The following CAPN3 variants were observed in gnomAD, a reference collection of about 807,000 sequenced individuals.
CAPN3 encodes the protein calpain 3.
In CAPN3, 88 loss-of-function variants were observed where a neutral mutation model predicts 114.0. That is an observed-to-expected ratio of 0.77 (90% CI 0.65 to 0.92). The LOEUF is 0.92. Among genes scored for constraint, CAPN3 ranks in the 40% least tolerant of loss-of-function variants. The pLI is 0.00. For synonymous variants in CAPN3, 386 were observed against 382.9 expected (o/e 1.01, Z -0.09); for missense variants, 1,028 against 1,069.0 (o/e 0.96, Z 0.53).
At chr15:42,377,890 T>G (rs1292070600) in intron 1 of CAPN3, among the ~76,000 whole-genome samples, 1 of 152,240 alleles carries the variant, frequency 6.6e-6, no homozygotes, top group Non-Finnish European at 1.5e-5. Context: ...GAATGAATTT[T>G]GGTAGCTTTT....
intron 1 of CAPN3, among the ~76,000 whole-genome samples, chr15:42,381,245 A>G (rs1349309640): frequency 6.6e-6 from 1 of 151,918 alleles, no homozygotes; most frequent in Non-Finnish European, 1.5e-5. Context: ...TGTGGGTCCA[A>G]GTTCCTGACC....
intron 17 of CAPN3, 85 bp downstream of exon 17, chr15:42,409,465 G>GGTAA: frequency 7.6e-7 from 1 of 1,312,672 alleles, no homozygotes; most frequent in Non-Finnish European, 1.1e-6. Context: ...TTTCATTATT[G>GGTAA]TTTGGTAGAG....
At chr15:42,366,667 G>A (rs763210149) in intron 1 of CAPN3, among the ~76,000 whole-genome samples, 17 of 151,784 alleles carry the variant, frequency 1.1e-4, no homozygotes, top group Non-Finnish European at 2.1e-4. Context: ...GATTGTTTTC[G>A]AGGAAGAAAA....
chr15:42,361,399 G>A (rs1047871447), intron 1 of CAPN3, among the ~76,000 whole-genome samples: 1 of 152,092 alleles, frequency 6.6e-6, no homozygotes, highest in African/African-American at 2.4e-5. Flanking sequence ...TGAACTCGGG[G>A]AGTTGAGGCA....
Position 42,399,595 on chromosome 15 carries a change from G to A in CAPN3, c.1297G>A (p.Val433Met). Residue 433 changes from valine (V) to methionine (M), a missense_variant, in exon 10 of 24, where the codon GTG becomes ATG. Transcript: ENST00000397163. ...SDKLQTWTVS[V>M]NEGRWVRGCS... ...CAAGCTTCAGACCTGGACAGTGTCT[G>A]TGAACGAGGGCCGCTGGGTACGGGG... 1 of 1,613,960 alleles carries A rather than the reference G, an allele frequency of 6.2e-7. No homozygotes were observed. The highest frequency in any genetic ancestry group is 8.5e-7 in the Non-Finnish European group (1 of 1,179,966).
At chr15:42,360,734 A>T (rs1026317984) in intron 1 of CAPN3, among the ~76,000 whole-genome samples, 2 of 152,174 alleles carry the variant, frequency 1.3e-5, no homozygotes. Flanking sequence ...CTAGAGTGAA[A>T]TATATCTAGT....
chr15:42,400,891 TG>T (rs1333880373), intron 10 of CAPN3, among the ~76,000 whole-genome samples: 3 of 151,858 alleles, frequency 2.0e-5, no homozygotes, highest in African/African-American at 7.2e-5. Context: ...AAAAAATATT[TG>T]AGGAATAAAG....
At chr15:42,397,363 C>T (rs1181241031) in intron 9 of CAPN3, among the ~76,000 whole-genome samples, 3 of 152,184 alleles carry the variant, frequency 2.0e-5, no homozygotes, top group South Asian at 2.1e-4. Flanking sequence ...TTGCTTAAGC[C>T]GGGCGCGGTG....
Position 42,410,402 on chromosome 15 carries a change from G to T in CAPN3, c.2116-26G>T, listed in dbSNP as rs753484613. On this transcript the variant is annotated intron_variant, in intron 19 of 23. Transcript: ENST00000397163. ...ATCCAGGGGGATTTTGCTGTGTGCT[G>T]TGTAGCCCTGACCTCCCTCCTCCAG... 9.3e-6 allele frequency: 15 copies of T among 1,611,768 alleles called. No individual in the cohort carries two copies. In the Middle Eastern group the frequency reaches 1.0e-3, roughly 107 times the overall value.
intron 1 of CAPN3, among the ~76,000 whole-genome samples, chr15:42,379,126 A>G (rs140168427): frequency 0.017 from 2,531 of 152,282 alleles, 73 homozygotes; most frequent in African/African-American, 0.059. Context: ...AGCCTGACCA[A>G]CATGATGAAA....
chr15:42,374,946 C>T (rs189407899), intron 1 of CAPN3, among the ~76,000 whole-genome samples: 1 of 149,362 alleles, frequency 6.7e-6, no homozygotes, highest in East Asian at 2.0e-4. Flanking sequence ...TAGCTGGGAC[C>T]CCAGGCATGT....
intron 3 of CAPN3, 80 bp downstream of exon 3, chr15:42,386,365 C>G: frequency 1.0e-6 from 1 of 960,964 alleles, no homozygotes; most frequent in Non-Finnish European, 1.7e-6. Context: ...TTCCCAGAAG[C>G]TGGAGGAAAC....
chr15:42,361,115 T>G (rs1016670539), intron 1 of CAPN3, among the ~76,000 whole-genome samples: 2 of 152,128 alleles, frequency 1.3e-5, no homozygotes, highest in African/African-American at 4.8e-5. Context: ...ACAAACCCTC[T>G]CTGAGGAAAT....
At chr15:42,361,347 C>G (rs1025428382) in intron 1 of CAPN3, among the ~76,000 whole-genome samples, 6 of 152,124 alleles carry the variant, frequency 3.9e-5, no homozygotes, top group African/African-American at 1.4e-4. Flanking sequence ...TGGCACATGC[C>G]TGTGGTCCTA....
chr15:42,401,100 A>G (rs2053849166), intron 10 of CAPN3, among the ~76,000 whole-genome samples: 1 of 151,990 alleles, frequency 6.6e-6, no homozygotes, highest in Non-Finnish European at 1.5e-5. Context: ...AGGCTCAGTC[A>G]GAAGAATCGC....
rs562307081 is a variant in CAPN3 at position 42,405,956 on chromosome 15, G to T, written c.1800+13G>T. Reference sequence around the variant, plus strand: ...GAAAAAAACCAAGGTAGGTGTGTGGGTAGAGAGCATGAAGTGTGTGTACTC... The same window carrying T: ...GAAAAAAACCAAGGTAGGTGTGTGGTTAGAGAGCATGAAGTGTGTGTACTC... On this transcript the variant is annotated intron_variant, in intron 15 of 23. Transcript: ENST00000397163. 6.2e-7 allele frequency: 1 copy of T among 1,610,024 alleles called. No individual in the cohort carries two copies. The highest frequency in any genetic ancestry group is 1.1e-5 in the South Asian group (1 of 90,998).
In CAPN3 at chr15:42,359,620, C is replaced by A; in HGVS notation, c.-186C>A. ...AGAACTTATGGCTTCAGAATCACAG[C>A]TCGGTTTTTAAGATGGACATAACCT... is the stretch of plus-strand genomic sequence containing the variant. On this transcript the variant is annotated 5_prime_UTR_variant, in exon 1 of 24. Coordinates refer to ENST00000397163, the MANE Select transcript of CAPN3 (RefSeq NM_000070.3). 1 of 1,436,142 alleles carries A rather than the reference C, an allele frequency of 7.0e-7. No homozygotes were observed. 89.0% of individuals were successfully genotyped at this position (1,436,142 alleles called of 1,614,324 possible).
intron 1 of CAPN3, among the ~76,000 whole-genome samples, chr15:42,378,678 C>T (rs1467240088): frequency 6.6e-6 from 1 of 151,598 alleles, no homozygotes; most frequent in African/African-American, 2.4e-5. Flanking sequence ...TTCTTTTCTT[C>T]TGCTTGCTTT....
intron 9 of CAPN3, among the ~76,000 whole-genome samples, chr15:42,398,780 C>CTTTTTTT (rs765133190): frequency 3.9e-5 from 4 of 101,334 alleles, no homozygotes; most frequent in African/African-American, 1.5e-4. Context: ...AGCATTAGAG[C>CTTTTTTT]TTTTTTTTTT....
Sources: gnomAD v4.1 joint callset for allele counts (sites outside exome capture counted in the v4.1 genomes callset) on GRCh38, gnomAD v4.1.1 for gene constraint, MANE v1.5 for transcripts, NCBI Gene and HGNC (gene_info 2026-07-23, HGNC 2026-07-21) for gene names.